Variants in AP3D1 observed in about 807,000 individuals in gnomAD.
AP3D1 encodes AP-3 complex subunit delta-1.
Under a neutral mutation model 147.6 loss-of-function variants are expected in AP3D1, and 51 were observed. The ratio of observed to expected loss-of-function variants is 0.35; its 90% CI spans 0.28 to 0.44. The LOEUF (loss-of-function observed/expected upper bound fraction) is 0.44. Ranked by LOEUF, AP3D1 falls within the 20% of genes least tolerant of loss-of-function variation. The pLI is 1.00. For missense variants in AP3D1, 1,421 were observed against 1,624.2 expected, an observed-to-expected ratio of 0.87 and a Z score of 2.15; for synonymous variants, 760 against 663.0, an observed-to-expected ratio of 1.15 and a Z score of -2.25.
At chr19:2,131,826 G>A (rs533068271) in intron 5 of AP3D1, among the ~76,000 whole-genome samples, 70 of 148,200 alleles carry the variant, frequency 4.7e-4, no homozygotes, top group South Asian at 3.0e-3. Context: ...CCTCCGGGCG[G>A]ACAGGCAGCC....
chr19:2,103,216 T>G (rs1336646955), intron 31 of AP3D1, among the ~76,000 whole-genome samples: 3 of 143,090 alleles, frequency 2.1e-5, no homozygotes, highest in Non-Finnish European at 4.4e-5. Flanking sequence ...AATTTGCTAA[T>G]TATTAAAAAA....
At chr19:2,116,471 T>C in intron 17 of AP3D1, 134 bp downstream of exon 17, 2 of 1,298,810 alleles carry the variant, frequency 1.5e-6, no homozygotes, top group Non-Finnish European at 1.0e-6. Context: ...GCTAACGCTC[T>C]GGGAGGCAGG....
chr19:2,109,795 C>T, intron 29 of AP3D1, 78 bp downstream of exon 29: 2 of 1,376,492 alleles, frequency 1.5e-6, no homozygotes, highest in African/African-American at 1.4e-5. Flanking sequence ...AGCCTCAGTC[C>T]CCGGGGCACA....
At chr19:2,130,063 G>A (rs1416351083) in intron 6 of AP3D1, among the ~76,000 whole-genome samples, 3 of 152,218 alleles carry the variant, frequency 2.0e-5, no homozygotes, top group Non-Finnish European at 4.4e-5. Context: ...CTAGGTGGAG[G>A]CAGCTCCTGC....
At chr19:2,122,093 C>T (rs1309121370) in intron 11 of AP3D1, among the ~76,000 whole-genome samples, 2 of 152,172 alleles carry the variant, frequency 1.3e-5, no homozygotes, top group Admixed American at 6.5e-5. Flanking sequence ...GCAGGCTGCC[C>T]CCATGCCGGC....
intron 31 of AP3D1, among the ~76,000 whole-genome samples, chr19:2,108,103 C>T (rs141258001): frequency 2.6e-5 from 4 of 152,292 alleles, no homozygotes; most frequent in Admixed American, 6.5e-5. Context: ...TGCCACTTAT[C>T]ACACAGTCTG....
chr19:2,128,382 C>A (rs1295342059), intron 8 of AP3D1, among the ~76,000 whole-genome samples: 1 of 152,110 alleles, frequency 6.6e-6, no homozygotes, highest in Non-Finnish European at 1.5e-5. Flanking sequence ...AGTCATCTTT[C>A]AGCTGCTTCA....
intron 1 of AP3D1, among the ~76,000 whole-genome samples, chr19:2,139,400 G>A (rs972238406): frequency 3.9e-5 from 6 of 152,146 alleles, no homozygotes; most frequent in African/African-American, 1.4e-4. Context: ...GGATGTGTCT[G>A]GTGTGTCTGG....
At chr19:2,130,386 G>C in intron 6 of AP3D1, 22 bp downstream of exon 6, 1 of 1,613,608 alleles carries the variant, frequency 6.2e-7, no homozygotes, top group Middle Eastern at 1.6e-4. Context: ...TCAACCCTGA[G>C]GCTTAACTCA....
At chr19:2,106,777 G>C (rs2018121916) in intron 31 of AP3D1, among the ~76,000 whole-genome samples, 4 of 152,250 alleles carry the variant, frequency 2.6e-5, no homozygotes, top group East Asian at 1.9e-4. Flanking sequence ...AAGGACATGA[G>C]GTGTAATAAC....
In AP3D1 at chr19:2,110,845, T is replaced by C. The variant is rs201737398; in HGVS notation, c.3037A>G (p.Ile1013Val). Residue 1013 changes from isoleucine (I) to valine (V), a missense_variant, in exon 27 of 32, where the codon ATC (isoleucine) becomes GTC (valine). By Grantham distance (29) the Ile-to-Val change is conservative. Transcript: ENST00000643116. ...CTGCTGCTCCTGTTCTCCAGCACGA[T>C]GGCCACAGTGACCTGGCTGTCCTCC... Reference protein sequence around the residue: ...LQEDSQVTVAIVLENRSSSIL... With the variant: ...LQEDSQVTVAVVLENRSSSIL... 1.3e-4 allele frequency: 202 copies of C among 1,613,620 alleles called. 1 individual carries two copies. In the Admixed American group the frequency reaches 3.3e-3, roughly 26 times the overall value.
intron 25 of AP3D1, 128 bp from the exon 26 acceptor site, chr19:2,111,460 G>A: frequency 7.5e-7 from 1 of 1,325,304 alleles, no homozygotes; most frequent in Non-Finnish European, 1.0e-6. Context: ...GGGCTTCAAA[G>A]GAGCCGATGA....
At chr19:2,163,970 C>T (rs2019809023) in intron 1 of AP3D1, among the ~76,000 whole-genome samples, 2 of 149,614 alleles carry the variant, frequency 1.3e-5, no homozygotes, top group South Asian at 2.1e-4. Flanking sequence ...ATGGCGGAGG[C>T]GCTGGAGGCC....
At chr19:2,157,893 G>A (rs1219133275) in intron 1 of AP3D1, among the ~76,000 whole-genome samples, 2 of 152,240 alleles carry the variant, frequency 1.3e-5, no homozygotes, top group Non-Finnish European at 2.9e-5. Flanking sequence ...GTCATGTGGA[G>A]GAGCAGAGAG....
rs761137640 is a variant in AP3D1 at position 2,129,156 on chromosome 19, G to A, written c.740C>T (p.Ala247Val). Residue 247 changes from alanine to valine, a missense_variant, in exon 8 of 32, where the codon GCT (alanine) becomes GTT (valine). Coordinates refer to ENST00000643116, the MANE Select transcript of AP3D1 (RefSeq NM_001261826.3). Reference protein sequence around the residue: ...VLIKIIKLFGALTPLEPRLGK... With the variant: ...VLIKIIKLFGVLTPLEPRLGK... Reference sequence around the variant, plus strand: ...CAGCCGCGGTTCCAAAGGAGTAAGAGCACCGAACTGTGGGGACAGCAGGGC... The same window carrying A: ...CAGCCGCGGTTCCAAAGGAGTAAGAACACCGAACTGTGGGGACAGCAGGGC... 2 of 1,603,454 alleles carry A rather than the reference G, an allele frequency of 1.2e-6. No individual in the cohort carries two copies. The highest frequency in any genetic ancestry group is 1.7e-6 in the Non-Finnish European group (2 of 1,175,630).
chr19:2,114,323 C>T, intron 21 of AP3D1, 21 bp from the exon 22 acceptor site: 2 of 1,602,082 alleles, frequency 1.2e-6, no homozygotes, highest in Non-Finnish European at 1.7e-6. Context: ...AATGACCGGG[C>T]CACACATCAG....
rs2019508639 is a variant in AP3D1, at chr19:2,151,420, G to A, written c.-86C>T. The A allele has an allele frequency of 1.1e-6, 1 of 871,792 alleles. No homozygotes were observed. The highest frequency in any genetic ancestry group is 6.7e-5 in the East Asian group (1 of 14,866). The allele number at this position is 871,792 out of a possible 1,614,324, so 54.0% of individuals were successfully genotyped here. On this transcript the variant is annotated 5_prime_UTR_variant, in exon 1 of 32. Transcript: ENST00000643116. ...GGGGCCCGTGCCTGCCGCCCGCGGA[G>A]CGCCGCGCTGCCGGCCGCTGCGGCG...
intron 5 of AP3D1, 78 bp downstream of exon 5, chr19:2,132,393 G>T: frequency 7.3e-7 from 1 of 1,362,980 alleles, no homozygotes; most frequent in African/African-American, 1.4e-5. Flanking sequence ...GCATAGCCAA[G>T]CTTCCCAGGC....
At position 2,116,693 on chromosome 19, in the gene AP3D1, T is replaced by C. The variant is rs772250918; in HGVS notation, c.1913A>G (p.Asp638Gly). 1 of 1,610,894 alleles carries C rather than the reference T, an allele frequency of 6.2e-7. No homozygotes were observed. Among genetic ancestry groups the C allele is most frequent in the Admixed American group, 1.7e-5 (1 of 59,750 alleles). ...GTGGAAGACGGCCCTGGGCCTCTCG[T>C]CCTCTGACTCGCTGTCCGAGAGTGG... ...NEPLSDSESE[D>G]ERPRAVFHEE... The change falls in exon 17 of 32, where the codon GAC (aspartate) becomes GGC (glycine). Residue 638 changes from aspartate to glycine, a missense_variant. Coordinates refer to ENST00000643116, the MANE Select transcript of AP3D1 (RefSeq NM_001261826.3).
Sources: allele counts gnomAD v4.1 joint callset (sites outside exome capture counted in the v4.1 genomes callset), GRCh38; gene constraint gnomAD v4.1.1; transcripts MANE v1.5; gene names NCBI Gene and HGNC (gene_info 2026-07-23, HGNC 2026-07-21).